The following STK32B variants were observed in gnomAD, a reference collection of about 807,000 sequenced individuals.
STK32B encodes the protein serine/threonine kinase 32B, also known as serine/threonine-protein kinase 32B.
A neutral mutation model predicts 52.6 loss-of-function variants in STK32B; 43 were observed. That is an observed-to-expected ratio of 0.82 (90% CI 0.64 to 1.05). The LOEUF (loss-of-function observed/expected upper bound fraction) is 1.05. Ranked by LOEUF, STK32B falls within the 50% of genes least tolerant of loss-of-function variation. The pLI is 0.00. For synonymous variants in STK32B, 238 were observed against 204.3 expected (o/e 1.17, Z -1.41); for missense variants, 621 against 534.6 (o/e 1.16, Z -1.59).
intron 4 of STK32B, among the ~76,000 whole-genome samples, chr4:5,349,622 T>G (rs61359298): frequency 0.2 from 30,811 of 152,052 alleles, 4,592 homozygotes; most frequent in African/African-American, 0.42. Context: ...AGTAATTATC[T>G]GGCAACACAG....
At chr4:5,319,481 A>G (rs78202791) in intron 3 of STK32B, among the ~76,000 whole-genome samples, 3,591 of 152,236 alleles carry the variant, frequency 0.024, 139 homozygotes, top group African/African-American at 0.081. Context: ...CCCCTTGTGC[A>G]AGAATAAAGT....
chr4:5,471,223 C>T (rs1237889995), intron 11 of STK32B, among the ~76,000 whole-genome samples: 1 of 152,172 alleles, frequency 6.6e-6, no homozygotes, highest in Non-Finnish European at 1.5e-5. Context: ...TGTCGAAGCC[C>T]TAAGCCCCCC....
At chr4:5,419,923 A>C (rs1172484111) in intron 6 of STK32B, among the ~76,000 whole-genome samples, 1 of 152,222 alleles carries the variant, frequency 6.6e-6, no homozygotes, top group Non-Finnish European at 1.5e-5. Context: ...GGTATAAATA[A>C]TAGGCAACTT....
intron 1 of STK32B, among the ~76,000 whole-genome samples, chr4:5,057,362 A>G (rs1742046114): frequency 6.6e-6 from 1 of 152,126 alleles, no homozygotes; most frequent in Non-Finnish European, 1.5e-5. Flanking sequence ...GGCAGCTCTT[A>G]ATCATGGTGC....
intron 2 of STK32B, among the ~76,000 whole-genome samples, chr4:5,162,558 G>T (rs923078780): frequency 6.6e-6 from 1 of 152,148 alleles, no homozygotes. Flanking sequence ...GCTGAAATCC[G>T]TGCTAGCTAG....
At chr4:5,293,949 T>C (rs1729041000) in intron 3 of STK32B, among the ~76,000 whole-genome samples, 1 of 152,178 alleles carries the variant, frequency 6.6e-6, no homozygotes. Flanking sequence ...TTAATCCATC[T>C]TGAGTTATTT....
chr4:5,155,051 C>T (rs185811753), intron 2 of STK32B, among the ~76,000 whole-genome samples: 1 of 152,336 alleles, frequency 6.6e-6, no homozygotes, highest in East Asian at 1.9e-4. Context: ...CTGTTCCAGC[C>T]CTTCTTCAAG....
At chr4:5,411,541 AG>A (rs1375440978) in intron 5 of STK32B, among the ~76,000 whole-genome samples, 6 of 152,214 alleles carry the variant, frequency 3.9e-5, no homozygotes, top group Admixed American at 3.9e-4. Context: ...TAATTAATCT[AG>A]AGATGATTTA....
chr4:5,376,810 C>T (rs866634044), intron 4 of STK32B, among the ~76,000 whole-genome samples: 22 of 152,154 alleles, frequency 1.4e-4, no homozygotes, highest in African/African-American at 5.3e-4. Context: ...CTTCAAAAAG[C>T]CTAGCCTCCT....
chr4:5,456,873 G>A lies in STK32B; in HGVS notation c.733G>A (p.Val245Ile). The change falls in exon 8 of 12, where the codon GTC becomes ATC. Residue 245 changes from valine to isoleucine, a missense_variant. Transcript: ENST00000282908. Reference sequence around the variant, plus strand: ...CCTCAACATGTTCAAGGTGGAGCGTGTCCACTACTCCTCCACGTGGTGCAA... The same window carrying A: ...CCTCAACATGTTCAAGGTGGAGCGTATCCACTACTCCTCCACGTGGTGCAA... ...EILNMFKVER[V>I]HYSSTWCKGM... 1 of 1,597,870 alleles carries A rather than the reference G, an allele frequency of 6.3e-7. No homozygotes were observed. Among genetic ancestry groups the A allele is most frequent in the South Asian group, 1.1e-5 (1 of 87,230 alleles).
chr4:5,041,397 C>T, the STK32B span, among the ~76,000 whole-genome samples: 4 of 152,160 alleles, frequency 2.6e-5, no homozygotes, highest in Admixed American at 1.3e-4. Context: ...AGCTACGGAG[C>T]CTTCCTTCTG....
chr4:5,373,565 C>G (rs561060090), intron 4 of STK32B, among the ~76,000 whole-genome samples: 2 of 152,166 alleles, frequency 1.3e-5, no homozygotes, highest in Admixed American at 1.3e-4. Context: ...CCTGCTTTAC[C>G]CAGTCCACCA....
At chr4:5,166,663 C>T (rs916364710) in intron 2 of STK32B, among the ~76,000 whole-genome samples, 1 of 151,670 alleles carries the variant, frequency 6.6e-6, no homozygotes, top group Non-Finnish European at 1.5e-5. Context: ...GGAGGATCCC[C>T]CCAGGAGCCT....
intron 4 of STK32B, among the ~76,000 whole-genome samples, chr4:5,346,208 G>T (rs1190440758): frequency 2.0e-5 from 3 of 152,204 alleles, no homozygotes; most frequent in Admixed American, 6.5e-5. Context: ...GAAATCAGGT[G>T]TGTTCAAGCT....
At chr4:5,489,617 A>AT (rs1186498200) in intron 11 of STK32B, among the ~76,000 whole-genome samples, 5 of 151,462 alleles carry the variant, frequency 3.3e-5, no homozygotes, top group South Asian at 2.1e-4. Flanking sequence ...ATTTTATTTT[A>AT]TTTATTTTTT....
intron 6 of STK32B, among the ~76,000 whole-genome samples, chr4:5,428,275 G>C (rs1045958281): frequency 1.3e-5 from 2 of 152,024 alleles, no homozygotes; most frequent in Non-Finnish European, 2.9e-5. Flanking sequence ...AGGCATAGTG[G>C]TGGGTGCCTG....
At chr4:5,168,526 G>A in intron 3 of STK32B, 76 bp downstream of exon 3, 5 of 1,480,740 alleles carry the variant, frequency 3.4e-6, no homozygotes, top group Non-Finnish European at 3.6e-6. Context: ...CTGCTAGAGG[G>A]ACTCTTCCGC....
intron 2 of STK32B, among the ~76,000 whole-genome samples, chr4:5,160,843 A>G (rs1251130487): frequency 6.6e-6 from 1 of 152,070 alleles, no homozygotes; most frequent in Non-Finnish European, 1.5e-5. Context: ...GGTGCTGGGG[A>G]CGGCTTTGCC....
At chr4:5,246,517 A>C (rs147273219) in intron 3 of STK32B, among the ~76,000 whole-genome samples, 1 of 152,002 alleles carries the variant, frequency 6.6e-6, no homozygotes, top group African/African-American at 2.4e-5. Context: ...CATTGGTTCA[A>C]ACTTCCTCCT....
Sources: allele counts gnomAD v4.1 joint callset (sites outside exome capture counted in the v4.1 genomes callset), GRCh38; gene constraint gnomAD v4.1.1; transcripts MANE v1.5; gene names NCBI Gene and HGNC (gene_info 2026-07-23, HGNC 2026-07-21).